HELQ: variants seen among roughly 807,000 people sequenced by gnomAD.
HELQ encodes helicase, POLQ like, also known as helicase POLQ-like.
HELQ carries 77 observed loss-of-function variants against 111.6 expected under a neutral mutation model. That is an observed-to-expected ratio of 0.69 (90% CI 0.57 to 0.83). The LOEUF is 0.83. Ranked by LOEUF, HELQ falls within the 40% of genes least tolerant of loss-of-function variation. The probability of loss-of-function intolerance (pLI) is 0.00; values close to 1 mark genes in which losing one functional copy is unlikely to be tolerated. For synonymous variants in HELQ, 438 were observed against 454.7 expected, an observed-to-expected ratio of 0.96 and a Z score of 0.47; for missense variants, 1,200 against 1,288.5, an observed-to-expected ratio of 0.93 and a Z score of 1.05.
rs199625601 is a variant in HELQ at position 83,453,282 on chromosome 4, T to C, written c.961A>G (p.Ser321Gly). 1.5e-5 allele frequency: 24 copies of C among 1,613,710 alleles called. No individual in the cohort carries two copies. The highest frequency in any genetic ancestry group is 2.2e-5 in the East Asian group (1 of 44,872). ...NDLGPFYSLP[S>G]KVRDLYAQFK... Reference sequence around the variant, plus strand: ...TGGGCATAAAGGTCTCTCACTTTGCTGGGTAATGAATAAAAAGGACCAAGG... The same window carrying C: ...TGGGCATAAAGGTCTCTCACTTTGCCGGGTAATGAATAAAAAGGACCAAGG... Residue 321 changes from serine to glycine, a missense_variant, in exon 2 of 18, where the codon AGC (serine) becomes GGC (glycine). This residue lies in a region of HELQ where 610 missense variants were observed against 607.1 expected (regional missense o/e 1.00). Coordinates refer to ENST00000295488, the MANE Select transcript of HELQ (RefSeq NM_133636.5).
At chr4:83,416,546 T>C (rs1739368183) in intron 17 of HELQ, among the ~76,000 whole-genome samples, 185 bp downstream of exon 17, 1 of 152,220 alleles carries the variant, frequency 6.6e-6, no homozygotes, top group African/African-American at 2.4e-5. Context: ...CAGGTCCTTT[T>C]TTTGTTTTGC....
rs551575260 is a variant in HELQ at position 83,454,936 on chromosome 4, C to T, written c.297+461G>A. Among the ~76,000 whole-genome samples the T allele has an allele frequency of 5.3e-4, 80 of 152,280 alleles. 3 individuals are homozygous for T. In the South Asian group the frequency reaches 0.016, roughly 30 times the overall value. ...GGAATTGAGACTGAGAAACTGAATA[C>T]TGACTTGGAGTGGTCTGCTACACAG... On this transcript the variant is annotated intron_variant, in intron 1 of 17. Coordinates refer to ENST00000295488, the MANE Select transcript of HELQ (RefSeq NM_133636.5).
chr4:83,436,343 T>C (rs1365470960), intron 9 of HELQ, among the ~76,000 whole-genome samples: 1 of 152,172 alleles, frequency 6.6e-6, no homozygotes, highest in Non-Finnish European at 1.5e-5. Context: ...TTTATAAAAA[T>C]TGATCATTTA....
chr4:83,439,447 C>T (rs1338347369), intron 8 of HELQ, among the ~76,000 whole-genome samples: 2 of 151,718 alleles, frequency 1.3e-5, no homozygotes, highest in African/African-American at 4.9e-5. Context: ...GCAACCTCCG[C>T]CTCCCGGGTC....
At chr4:83,435,504 T>C (rs1253433115) in intron 9 of HELQ, among the ~76,000 whole-genome samples, 1 of 151,606 alleles carries the variant, frequency 6.6e-6, no homozygotes, top group Non-Finnish European at 1.5e-5. Context: ...TATCTTCAAC[T>C]ATGCAAAGAG....
rs11337269 is a variant in HELQ, at chr4:83,437,603, T to TAA, written c.1809-508_1809-507dup. 1.5e-3 allele frequency among the ~76,000 whole-genome samples: 147 copies of TAA among 97,862 alleles called. 2 individuals carry two copies. In the Middle Eastern group the frequency reaches 0.016, roughly 11 times the overall value. The allele number at this position is 97,862 out of a possible 152,430, so 64.2% of individuals were successfully genotyped here. A position where few individuals can be genotyped will look rare whatever the true frequency, so the allele number is the denominator to read the frequency against. On this transcript the variant is annotated intron_variant, in intron 8 of 17. Transcript: ENST00000295488. ...CTGGGTGAAAGAGCAAAGCCTTGTC[T>TAA]AAAAAAAAAAAAAAAAAAAAGGAAA...
chr4:83,434,128 C>T (rs1346857204), intron 9 of HELQ, among the ~76,000 whole-genome samples: 6 of 151,764 alleles, frequency 4.0e-5, no homozygotes, highest in Non-Finnish European at 5.9e-5. Flanking sequence ...TCTAGCACTT[C>T]GGGAGGCCAC....
rs1370385916 is a variant in HELQ at position 83,453,635 on chromosome 4, A to G, written c.608T>C (p.Phe203Ser). Residue 203 changes from phenylalanine to serine, a missense_variant, in exon 2 of 18, where the codon TTT (phenylalanine) becomes TCT (serine). Physicochemically the swap from Phe to Ser is radical, Grantham distance 155. Around this residue, in one of 3 missense-constraint regions of HELQ, gnomAD observed 610 missense variants for 607.1 expected, o/e 1.00. Transcript: ENST00000295488. ...ATTTGAAGAGTTCTGCAAATTTTCAAAGTATATAGCCTGTGAGGAAGGTAC... is the reference window on the plus strand; with the variant it reads ...ATTTGAAGAGTTCTGCAAATTTTCAGAGTATATAGCCTGTGAGGAAGGTAC... ...YDVPSSQAIY[F>S]ENLQNSSNDL... 1 of 1,613,344 alleles carries G rather than the reference A, an allele frequency of 6.2e-7. No individual in the cohort carries two copies. The highest frequency in any genetic ancestry group is 1.1e-5 in the South Asian group (1 of 91,058).
rs746830719 is a variant in HELQ, at chr4:83,431,739, T to C, written c.2220A>G (p.Glu740=). ...CCTGAACAAGATGGCTGTAACAGTT[T>C]TCCAATGGTTTAGTTATTAACTCCA... ...QVLELITKPL[E]NCYSHLVQEF... is the part of the protein sequence containing the mutation. Residue 740 remains glutamate, a synonymous_variant, in exon 11 of 18, where the codon GAA becomes GAG. Transcript: ENST00000295488. The C allele has an allele frequency of 1.3e-6, 2 of 1,532,900 alleles. No homozygotes were observed. Among genetic ancestry groups the C allele is most frequent in the Non-Finnish European group, 1.8e-6 (2 of 1,135,800 alleles). 95.0% of individuals were successfully genotyped at this position (1,532,900 alleles called of 1,614,324 possible). A position where few individuals can be genotyped will look rare whatever the true frequency, so the allele number is the denominator to read the frequency against.
intron 1 of HELQ, among the ~76,000 whole-genome samples, chr4:83,454,196 C>G (rs548312776): frequency 2.1e-4 from 32 of 152,264 alleles, no homozygotes; most frequent in Non-Finnish European, 3.5e-4. Context: ...GAGTGGGACT[C>G]TGTCTCAAAA....
At chr4:83,435,852 C>A (rs1232215450) in intron 9 of HELQ, among the ~76,000 whole-genome samples, 1 of 151,350 alleles carries the variant, frequency 6.6e-6, no homozygotes, top group African/African-American at 2.4e-5. Flanking sequence ...TAAGAGTAAC[C>A]ACTGGAATAA....
intron 2 of HELQ, among the ~76,000 whole-genome samples, chr4:83,451,989 C>T (rs1721402840): frequency 6.6e-6 from 1 of 152,208 alleles, no homozygotes; most frequent in East Asian, 1.9e-4. Flanking sequence ...TTCCAGAAAA[C>T]TTACGAAGTG....
At chr4:83,430,724 T>C (rs1432577151) in intron 11 of HELQ, among the ~76,000 whole-genome samples, 1 of 152,238 alleles carries the variant, frequency 6.6e-6, no homozygotes, top group Non-Finnish European at 1.5e-5. Context: ...CTATTGCTTC[T>C]TCCCACTTTA....
At chr4:83,454,644 C>A (rs3775089) in intron 1 of HELQ, among the ~76,000 whole-genome samples, 53,958 of 149,420 alleles carry the variant, frequency 0.36, 11,252 homozygotes, top group East Asian at 0.67. Context: ...TGGTTTTGAA[C>A]GCGAACTTCT....
intron 1 of HELQ, 90 bp downstream of exon 1, chr4:83,455,307 G>T: frequency 6.5e-7 from 1 of 1,548,118 alleles, no homozygotes; most frequent in East Asian, 2.3e-5. Flanking sequence ...GAAGACGAGA[G>T]AAGTAAACGA....
At position 83,446,005 on chromosome 4, in the gene HELQ, A is replaced by T. The variant is rs1721025513; in HGVS notation, c.1465+9T>A. Reference sequence around the variant, plus strand: ...ATCAATTCATGACCTCATTTGAAAAAATACTTACTGCTAGTGTAGAGGATT... The same window carrying T: ...ATCAATTCATGACCTCATTTGAAAATATACTTACTGCTAGTGTAGAGGATT... On this transcript the variant is annotated intron_variant, in intron 5 of 17. Transcript: ENST00000295488. 6.4e-7 allele frequency: 1 copy of T among 1,569,750 alleles called. No individual in the cohort carries two copies. The highest frequency in any genetic ancestry group is 1.7e-5 in the Admixed American group (1 of 59,652).
chr4:83,429,398 C>G lies in HELQ; in HGVS notation c.2518+126G>C. ...TCCCAACCTCAAGTGATCCGCTCCC[C>G]TTGGCCTCCCAGAGTGTTGGGATTA... On this transcript the variant is annotated intron_variant, in intron 12 of 17. Transcript: ENST00000295488. 3 of 690,654 alleles carry G rather than the reference C, an allele frequency of 4.3e-6. No homozygotes were observed. In the South Asian group the frequency reaches 5.8e-5, roughly 13 times the overall value. 42.8% of individuals were successfully genotyped at this position (690,654 alleles called of 1,614,324 possible).
In HELQ at chr4:83,455,746, A is replaced by C. The variant is rs1042647736; in HGVS notation, c.-53T>G. On this transcript the variant is annotated 5_prime_UTR_variant, in exon 1 of 18. Coordinates refer to ENST00000295488, the MANE Select transcript of HELQ (RefSeq NM_133636.5). ...GTCGTTCTCAGTGACCCAGACGCTA[A>C]GCCCATATGGAAGGGAGAGTGGGAC... is the stretch of plus-strand genomic sequence containing the variant. 1 of 1,536,638 alleles carries C rather than the reference A, an allele frequency of 6.5e-7. No individual in the cohort carries two copies. The highest frequency in any genetic ancestry group is 8.8e-7 in the Non-Finnish European group (1 of 1,132,346).
chr4:83,451,295 G>A (rs1023585126), intron 2 of HELQ, among the ~76,000 whole-genome samples: 1 of 152,068 alleles, frequency 6.6e-6, no homozygotes, highest in African/African-American at 2.4e-5. Context: ...AAGTGCTAAG[G>A]TTGCATTTTT....
Sources: allele counts gnomAD v4.1 joint callset (sites outside exome capture counted in the v4.1 genomes callset), GRCh38; gene constraint gnomAD v4.1.1; regional missense constraint gnomAD v4.1.1; transcripts MANE v1.5; gene names NCBI Gene and HGNC (gene_info 2026-07-23, HGNC 2026-07-21).